TUSC3: variants seen among roughly 807,000 people sequenced by gnomAD.
The protein encoded by TUSC3 is dolichyl-diphosphooligosaccharide--protein glycosyltransferase subunit TUSC3.
A neutral mutation model predicts 44.8 loss-of-function variants in TUSC3; 45 were observed. The observed-to-expected ratio is 1.00, with a 90% CI of 0.79 to 1.29. The LOEUF is 1.29. Among genes scored for constraint, TUSC3 ranks in the 50% most tolerant of loss-of-function variants. The probability of loss-of-function intolerance (pLI) is 0.00; values close to 1 mark genes in which losing one functional copy is unlikely to be tolerated. For missense variants in TUSC3, 519 were observed against 437.9 expected (o/e 1.19, Z -1.65); for synonymous variants, 212 against 152.9 (o/e 1.39, Z -2.85).
intron 1 of TUSC3, among the ~76,000 whole-genome samples, chr8:15,598,056 T>C (rs1486340590): frequency 6.6e-6 from 1 of 152,036 alleles, no homozygotes; most frequent in Non-Finnish European, 1.5e-5. Flanking sequence ...CGTAAATAAA[T>C]GCTTTGAGAA....
chr8:15,538,029 A>T (rs935327322), upstream of TUSC3, among the ~76,000 whole-genome samples: 1 of 152,168 alleles, frequency 6.6e-6, no homozygotes, highest in Middle Eastern at 3.4e-3. Context: ...CGCACATAGG[A>T]GCTTATCTTG....
In TUSC3 at chr8:15,649,501, A is replaced by G. The variant is rs573052936; in HGVS notation, c.309-1196A>G. Among the ~76,000 whole-genome samples the G allele has an allele frequency of 9.2e-5, 14 of 151,686 alleles. No individual in the cohort carries two copies. In the East Asian group the frequency reaches 2.0e-3, roughly 21 times the overall value. The stretch of plus-strand genomic sequence containing the variant: ...TGGGAGGCTGAGGCAGGAGAATGGC[A>G]TGATCCTGGGAGGCGGAGCTTGCAG... On this transcript the variant is annotated intron_variant, in intron 2 of 10. Coordinates refer to ENST00000503731, the MANE Select transcript of TUSC3 (RefSeq NM_006765.4).
chr8:15,506,094 A>G (rs1451324136), intron 2 of TUSC3, among the ~76,000 whole-genome samples: 1 of 152,220 alleles, frequency 6.6e-6, no homozygotes, highest in Non-Finnish European at 1.5e-5. Context: ...ACGGGAGACT[A>G]TTATAAGAGA....
the TUSC3 span, among the ~76,000 whole-genome samples, chr8:15,774,515 C>T: frequency 2.6e-5 from 4 of 152,096 alleles, no homozygotes; most frequent in African/African-American, 9.7e-5. Context: ...AGGAAGGATT[C>T]CCATAAAGGT....
chr8:15,457,397 C>G (rs960203412), intron 1 of TUSC3, among the ~76,000 whole-genome samples: 1 of 151,462 alleles, frequency 6.6e-6, no homozygotes, highest in Non-Finnish European at 1.5e-5. Context: ...GGCCAATAAT[C>G]ATATGTGATT....
intron 1 of TUSC3, among the ~76,000 whole-genome samples, chr8:15,572,585 G>A (rs1028264258): frequency 1.8e-4 from 27 of 152,046 alleles, no homozygotes; most frequent in African/African-American, 6.3e-4. Flanking sequence ...CTAACTGTTC[G>A]GTGCAAGAGG....
rs576518085 is a variant in TUSC3, at chr8:15,670,521, C to T, written c.709-3226C>T. On this transcript the variant is annotated intron_variant, in intron 5 of 10. Coordinates refer to ENST00000503731, the MANE Select transcript of TUSC3 (RefSeq NM_006765.4). The stretch of plus-strand genomic sequence containing the variant: ...GGAAAAAGATGAATTTCAACTTTTA[C>T]CTCCCACCATACACAAGAGGAATCG... Among the ~76,000 whole-genome samples, 7 of 151,864 alleles carry T rather than the reference C, an allele frequency of 4.6e-5. No homozygotes were observed. The South Asian group carries it at 1.5e-3, about 32-fold the overall frequency.
At chr8:15,799,108 A>T in the TUSC3 span, among the ~76,000 whole-genome samples, 2 of 152,206 alleles carry the variant, frequency 1.3e-5, no homozygotes, top group African/African-American at 4.8e-5. Context: ...ACTGCAAAAC[A>T]AACAACAACA....
At chr8:15,533,750 C>T (rs771488629) in intron 2 of TUSC3, among the ~76,000 whole-genome samples, 22 of 152,164 alleles carry the variant, frequency 1.4e-4, no homozygotes, top group African/African-American at 3.6e-4. Context: ...GGTTTCAGGG[C>T]GAGAGAAGGC....
At chr8:15,673,942 C>A in intron 6 of TUSC3, 106 bp downstream of exon 6, 2 of 937,226 alleles carry the variant, frequency 2.1e-6, no homozygotes, top group South Asian at 1.5e-5. Flanking sequence ...GTTTGTCAGT[C>A]AAAATATATA....
chr8:15,686,932 G>C (rs561359315), intron 6 of TUSC3, among the ~76,000 whole-genome samples: 58 of 152,218 alleles, frequency 3.8e-4, no homozygotes, highest in African/African-American at 1.4e-3. Context: ...GCCGGGCATG[G>C]TGGCAGGCGC....
At chr8:15,626,729 C>T (rs1805526075) in intron 2 of TUSC3, among the ~76,000 whole-genome samples, 2 of 152,332 alleles carry the variant, frequency 1.3e-5, no homozygotes, top group Admixed American at 1.3e-4. Context: ...TGGAGCTTGG[C>T]CAGGTGTGTG....
At chr8:15,643,814 A>C (rs2129172738) in intron 2 of TUSC3, among the ~76,000 whole-genome samples, 1 of 152,260 alleles carries the variant, frequency 6.6e-6, no homozygotes, top group Non-Finnish European at 1.5e-5. Flanking sequence ...GGTGTTGTTT[A>C]TCAGTTGTTT....
the TUSC3 span, among the ~76,000 whole-genome samples, chr8:15,829,597 A>G: frequency 4.6e-5 from 7 of 152,084 alleles, no homozygotes; most frequent in African/African-American, 1.7e-4. Flanking sequence ...AGATTTTGCT[A>G]TGCAAAATTT....
In TUSC3 at chr8:15,465,932, C is replaced by G. The variant is rs143043251; in HGVS notation, n.92-17454C>G. Among the ~76,000 whole-genome samples the G allele has an allele frequency of 1.9e-3, 282 of 152,246 alleles. 1 individual carries two copies. The highest frequency in any genetic ancestry group is 6.4e-3 in the African/African-American group (268 of 41,558). ...GCGGTCCCTAGTTCATCGTGATATA[C>G]TCAGGGAATAAACATTGAAATTAAT... On this transcript the variant is annotated intron_variant and non_coding_transcript_variant, in intron 1 of 5. Coordinates refer to the TUSC3 transcript ENST00000503191.
At chr8:15,668,382 C>G (rs943740321) in intron 5 of TUSC3, among the ~76,000 whole-genome samples, 2 of 151,448 alleles carry the variant, frequency 1.3e-5, no homozygotes, top group Admixed American at 6.6e-5. Flanking sequence ...GTGCATTTAC[C>G]TTTTCTATGT....
the TUSC3 span, chr8:15,807,221 C>G: frequency 1.5e-6 from 1 of 686,014 alleles, no homozygotes; most frequent in Non-Finnish European, 2.7e-6. Context: ...CGTATCGCAA[C>G]TAATTACCCC....
chr8:15,649,430 A>G (rs1806785360), intron 2 of TUSC3, among the ~76,000 whole-genome samples: 1 of 151,660 alleles, frequency 6.6e-6, no homozygotes, highest in African/African-American at 2.4e-5. Flanking sequence ...TAAAAATAGA[A>G]AAAATTAGCC....
At chr8:15,492,514 C>T (rs1023369014) in intron 2 of TUSC3, among the ~76,000 whole-genome samples, 1 of 152,042 alleles carries the variant, frequency 6.6e-6, no homozygotes, top group Admixed American at 6.6e-5. Flanking sequence ...AAGACTGCCC[C>T]AAGACTGAAG....
Sources: allele counts gnomAD v4.1 joint callset (sites outside exome capture counted in the v4.1 genomes callset), GRCh38; gene constraint gnomAD v4.1.1; transcripts MANE v1.5; gene names NCBI Gene and HGNC (gene_info 2026-07-23, HGNC 2026-07-21).